The following DNAJC10 variants were observed in gnomAD, a reference collection of about 807,000 sequenced individuals.
The protein encoded by DNAJC10 is DnaJ heat shock protein family (Hsp40) member C10, also known as endoplasmic reticulum disulfide reductase DNAJC10.
In DNAJC10, 101 loss-of-function variants were observed where a neutral mutation model predicts 115.0. The observed-to-expected ratio is 0.88, with a 90% CI of 0.75 to 1.04. DNAJC10 has a LOEUF of 1.04. Ranked by LOEUF, DNAJC10 falls within the 50% of genes least tolerant of loss-of-function variation. The pLI, the probability that DNAJC10 is intolerant of heterozygous loss-of-function variation, is 0.00. For missense variants in DNAJC10, 981 were observed against 928.8 expected (o/e 1.06, Z -0.73); for synonymous variants, 307 against 301.5 (o/e 1.02, Z -0.19).
intron 14 of DNAJC10, among the ~76,000 whole-genome samples, chr2:182,748,639 T>C (rs1271392312): frequency 6.6e-6 from 1 of 152,222 alleles, no homozygotes; most frequent in Admixed American, 6.5e-5. Context: ...TTATTAGTCT[T>C]GCTAGCGGTC....
chr2:182,782,207 C>T lies in DNAJC10; in HGVS notation c.*5075C>T, dbSNP rs1354852062. 6.6e-6 allele frequency: 1 copy of T among 152,152 alleles called. No homozygotes were observed. Among genetic ancestry groups the T allele is most frequent in the East Asian group, 1.9e-4 (1 of 5,200 alleles). 9.4% of individuals were successfully genotyped at this position (152,152 alleles called of 1,614,324 possible). ...AACATCATTTATTAAATAGGGAATCCTTTCCCCATTGCTTGTTTTTGTCAG... is the reference window on the plus strand; with the variant it reads ...AACATCATTTATTAAATAGGGAATCTTTTCCCCATTGCTTGTTTTTGTCAG... On this transcript the variant is annotated 3_prime_UTR_variant, in exon 24 of 24. Transcript: ENST00000264065.
chr2:182,769,726 T>C (rs1694510882), intron 22 of DNAJC10, among the ~76,000 whole-genome samples: 1 of 152,236 alleles, frequency 6.6e-6, no homozygotes, highest in Non-Finnish European at 1.5e-5. Flanking sequence ...ATTAGCCCTT[T>C]GTCAGATGGG....
At chr2:182,720,646 T>C (rs1297364239) in intron 4 of DNAJC10, among the ~76,000 whole-genome samples, 3 of 152,108 alleles carry the variant, frequency 2.0e-5, no homozygotes, top group Admixed American at 1.3e-4. Context: ...GTAAGTACAC[T>C]CTGTGATGTT....
intron 22 of DNAJC10, 96 bp from the exon 23 acceptor site, chr2:182,775,220 C>T (rs1262329570): frequency 1.3e-6 from 1 of 789,880 alleles, no homozygotes; most frequent in Non-Finnish European, 2.0e-6. Context: ...AGTTTTGGAA[C>T]AAAAGAACTT....
At chr2:182,735,120 T>G (rs1017171233) in intron 10 of DNAJC10, among the ~76,000 whole-genome samples, 3 of 151,790 alleles carry the variant, frequency 2.0e-5, no homozygotes, top group African/African-American at 7.2e-5. Flanking sequence ...CCTTTTTGCT[T>G]CTTTTGGATT....
At chr2:182,742,639 G>A (rs551674150) in intron 13 of DNAJC10, among the ~76,000 whole-genome samples, 7 of 152,234 alleles carry the variant, frequency 4.6e-5, no homozygotes, top group South Asian at 2.1e-4. Context: ...TGGTACTATC[G>A]TTCTTTATAA....
At chr2:182,758,049 A>C (rs1265946921) in intron 19 of DNAJC10, among the ~76,000 whole-genome samples, 1 of 152,194 alleles carries the variant, frequency 6.6e-6, no homozygotes, top group African/African-American at 2.4e-5. Context: ...AAGGAAAGGA[A>C]GAGCTAACAT....
In DNAJC10 at chr2:182,736,264, G is replaced by A. The variant is rs1361777263; in HGVS notation, c.865G>A (p.Val289Ile). The part of the protein sequence containing the change: ...LSGMLDGLVN[V>I]GWMDCATQDN... Reference sequence around the variant, plus strand: ...TCCATTTTAGGATGGTCTTGTTAATGTAGGATGGATGGACTGTGCCACCCA... The same window carrying A: ...TCCATTTTAGGATGGTCTTGTTAATATAGGATGGATGGACTGTGCCACCCA... Residue 289 changes from valine (V) to isoleucine (I), a missense_variant, in exon 11 of 24, where the codon GTA (valine) becomes ATA (isoleucine). Val to Ile is a conservative substitution (Grantham distance 29). Coordinates refer to ENST00000264065, the MANE Select transcript of DNAJC10 (RefSeq NM_018981.4). The A allele has an allele frequency of 2.5e-6, 4 of 1,573,520 alleles. No individual in the cohort carries two copies. Among genetic ancestry groups the A allele is most frequent in the South Asian group, 2.4e-5 (2 of 82,482 alleles).
chr2:182,767,908 C>T (rs1312143538), intron 22 of DNAJC10, among the ~76,000 whole-genome samples: 1 of 152,136 alleles, frequency 6.6e-6, no homozygotes, highest in African/African-American at 2.4e-5. Flanking sequence ...CAAGGAGTTA[C>T]ATTCTCATGC....
chr2:182,740,450 A>G (rs2105644429), intron 12 of DNAJC10, 62 bp downstream of exon 12: 1 of 1,432,542 alleles, frequency 7.0e-7, no homozygotes, highest in Non-Finnish European at 9.3e-7. Context: ...AGGTCTTAAC[A>G]TTTTAAAATT....
At chr2:182,765,452 G>A (rs1281681216) in intron 22 of DNAJC10, among the ~76,000 whole-genome samples, 2 of 152,082 alleles carry the variant, frequency 1.3e-5, no homozygotes, top group Non-Finnish European at 2.9e-5. Context: ...ATCCCACTTG[G>A]CAAAGGACAA....
chr2:182,728,573 T>C lies in DNAJC10; in HGVS notation c.419-3T>C, dbSNP rs758665517. 1.2e-6 allele frequency: 2 copies of C among 1,603,088 alleles called. No individual in the cohort carries two copies. The highest frequency in any genetic ancestry group is 3.4e-5 in the Admixed American group (2 of 59,622). Reference sequence around the variant, plus strand: ...AAGTTGTTTGCATTTTATGTATTTTTAGATGCTGCTGTTAATTCTGGAGAA... The same window carrying C: ...AAGTTGTTTGCATTTTATGTATTTTCAGATGCTGCTGTTAATTCTGGAGAA... On this transcript the variant is annotated splice_region_variant and splice_polypyrimidine_tract_variant and intron_variant, in intron 5 of 23. Transcript: ENST00000264065.
chr2:182,756,324 A>G lies in DNAJC10; in HGVS notation c.1664A>G (p.Asn555Ser). 6.2e-7 allele frequency: 1 copy of G among 1,612,038 alleles called. No individual in the cohort carries two copies. The highest frequency in any genetic ancestry group is 8.5e-7 in the Non-Finnish European group (1 of 1,179,068). The change falls in exon 18 of 24, where the codon AAT (asparagine) becomes AGT (serine). Residue 555 changes from asparagine to serine, a missense_variant. By Grantham distance (46) the Asn-to-Ser change is conservative. Coordinates refer to ENST00000264065, the MANE Select transcript of DNAJC10 (RefSeq NM_018981.4). ...CTATATTCTCTTCAGGATCTTATGA[A>G]TCCTTCAGTGGTCTCCCTTACACCC... ...QILEFIEDLM[N>S]PSVVSLTPTT... is the part of the protein sequence containing the mutation.
intron 13 of DNAJC10, among the ~76,000 whole-genome samples, chr2:182,743,139 G>A (rs551345453): frequency 3.3e-5 from 5 of 152,266 alleles, no homozygotes; most frequent in East Asian, 3.9e-4. Flanking sequence ...GAGCCAATGC[G>A]CCTGGCCCTT....
chr2:182,755,547 A>G (rs2105676302), intron 17 of DNAJC10, among the ~76,000 whole-genome samples: 1 of 151,286 alleles, frequency 6.6e-6, no homozygotes. Flanking sequence ...TGACCCTCCA[A>G]CCCTGTCCTA....
chr2:182,742,663 G>A (rs959994101), intron 13 of DNAJC10, among the ~76,000 whole-genome samples: 2 of 152,120 alleles, frequency 1.3e-5, no homozygotes, highest in African/African-American at 2.4e-5. Context: ...TCACAATTCC[G>A]ATAGGCCACA....
chr2:182,727,287 C>T (rs1171853057), intron 5 of DNAJC10, among the ~76,000 whole-genome samples: 2 of 152,064 alleles, frequency 1.3e-5, no homozygotes, highest in Admixed American at 6.6e-5. Flanking sequence ...ATTTGTTTTA[C>T]AGCATATTTT....
chr2:182,739,775 G>A (rs1693685590), intron 11 of DNAJC10: 2 of 997,290 alleles, frequency 2.0e-6, no homozygotes, highest in Non-Finnish European at 2.4e-6. Context: ...CCTCTATAAT[G>A]AGCAAAAGTC....
At chr2:182,754,225 C>G (rs1449152680) in intron 16 of DNAJC10, among the ~76,000 whole-genome samples, 1 of 152,190 alleles carries the variant, frequency 6.6e-6, no homozygotes, top group South Asian at 2.1e-4. Flanking sequence ...TGAATTTGCA[C>G]ACATTTTTCA....
Sources: allele counts gnomAD v4.1 joint callset (sites outside exome capture counted in the v4.1 genomes callset), GRCh38; gene constraint gnomAD v4.1.1; transcripts MANE v1.5; gene names NCBI Gene and HGNC (gene_info 2026-07-23, HGNC 2026-07-21).